The following SGCD variants were observed in gnomAD, a reference collection of about 807,000 sequenced individuals.
SGCD encodes the protein delta-sarcoglycan.
A neutral mutation model predicts 36.6 loss-of-function variants in SGCD; 18 were observed. The observed-to-expected ratio is 0.49, with a 90% CI of 0.34 to 0.73. The LOEUF (loss-of-function observed/expected upper bound fraction) is 0.73. SGCD is among the 30% of genes least tolerant of loss of function. SGCD has a pLI of 0.01. For synonymous variants in SGCD, 133 were observed against 130.6 expected (o/e 1.02, Z -0.12); for missense variants, 387 against 346.7 (o/e 1.12, Z -0.92).
intron 4 of SGCD, among the ~76,000 whole-genome samples, chr5:156,554,389 C>T (rs1758923949): frequency 1.3e-5 from 2 of 150,724 alleles, no homozygotes; most frequent in South Asian, 4.2e-4. Flanking sequence ...AAGAGGGGTA[C>T]CATGTATACA....
chr5:156,610,174 T>C (rs920021052), intron 6 of SGCD, among the ~76,000 whole-genome samples: 3 of 152,212 alleles, frequency 2.0e-5, no homozygotes, highest in African/African-American at 4.8e-5. Flanking sequence ...CTTTGTAGTT[T>C]TATCTACCTT....
At chr5:155,960,304 G>A (rs565070504) in intron 1 of SGCD, among the ~76,000 whole-genome samples, 1 of 152,158 alleles carries the variant, frequency 6.6e-6, no homozygotes, top group South Asian at 2.1e-4. Context: ...CCCAGGGGAG[G>A]CACTCAAAGG....
chr5:156,573,720 G>A (rs924616674), intron 4 of SGCD, among the ~76,000 whole-genome samples: 37 of 152,002 alleles, frequency 2.4e-4, no homozygotes, highest in African/African-American at 7.7e-4. Context: ...GAGATGGGGG[G>A]TCTCACTCTA....
chr5:156,352,093 G>A (rs964760089), intron 3 of SGCD, among the ~76,000 whole-genome samples: 1 of 152,162 alleles, frequency 6.6e-6, no homozygotes, highest in African/African-American at 2.4e-5. Context: ...ACTTTTGCTA[G>A]TGCATTCTAC....
the SGCD span, among the ~76,000 whole-genome samples, chr5:155,770,455 G>A: frequency 1.3e-5 from 2 of 152,132 alleles, no homozygotes; most frequent in African/African-American, 4.8e-5. Context: ...AAAATGCTTA[G>A]CTGTATAAAG....
chr5:156,416,362 G>T (rs1773033158), intron 3 of SGCD, among the ~76,000 whole-genome samples: 1 of 152,152 alleles, frequency 6.6e-6, no homozygotes, highest in Non-Finnish European at 1.5e-5. Context: ...TTGAGAACTT[G>T]GGGGAAAGGG....
chr5:155,822,942 T>G, the SGCD span, among the ~76,000 whole-genome samples: 1 of 152,132 alleles, frequency 6.6e-6, no homozygotes, highest in Non-Finnish European at 1.5e-5. Flanking sequence ...GGCCATTGGA[T>G]TAGGCAGAGT....
chr5:156,704,042 G>A (rs1754639783), intron 7 of SGCD: 2 of 152,062 alleles, frequency 1.3e-5, no homozygotes, highest in Admixed American at 1.3e-4. Flanking sequence ...AAAGGGTGGT[G>A]GAAGGTAACA....
chr5:156,286,924 C>A (rs1345530273), intron 3 of SGCD, among the ~76,000 whole-genome samples: 1 of 152,078 alleles, frequency 6.6e-6, no homozygotes, highest in African/African-American at 2.4e-5. Context: ...AGGATGATCT[C>A]TTTTTTATCC....
intron 1 of SGCD, among the ~76,000 whole-genome samples, chr5:156,081,264 C>T (rs1760944758): frequency 6.6e-6 from 1 of 152,190 alleles, no homozygotes. Context: ...GACGCACTCA[C>T]TATCATGAGG....
At chr5:155,909,092 T>C (rs1398915128) in intron 1 of SGCD, among the ~76,000 whole-genome samples, 1 of 151,548 alleles carries the variant, frequency 6.6e-6, no homozygotes, top group Non-Finnish European at 1.5e-5. Flanking sequence ...TGTTAGGCTC[T>C]GAGAGGGTGG....
rs200773652 is a variant in SGCD, at chr5:156,677,690, T to TA, written c.575+30164dup. 4.7e-4 allele frequency among the ~76,000 whole-genome samples: 69 copies of TA among 147,460 alleles called. No homozygotes were observed. The South Asian group carries it at 9.2e-3, about 20-fold the overall frequency. ...TACCCTAGAACTTAAAGTATATAGA[T>TA]AAAAAAAAAAGAGTCTGGTGGAGAA... On this transcript the variant is annotated intron_variant, in intron 7 of 8. Transcript: ENST00000337851.
the SGCD span, among the ~76,000 whole-genome samples, chr5:155,774,608 C>T: frequency 6.6e-6 from 1 of 152,070 alleles, no homozygotes; most frequent in Non-Finnish European, 1.5e-5. Context: ...TTCCATGGCT[C>T]ATAGCCCCTT....
rs982120041 is a variant in SGCD, at chr5:156,766,650, C to A, written c.*7260C>A. On this transcript the variant is annotated 3_prime_UTR_variant, in exon 9 of 9. Coordinates refer to ENST00000337851, the MANE Select transcript of SGCD (RefSeq NM_000337.6). Reference sequence around the variant, plus strand: ...GAGAAAATGAGTGCATCTGAAGTTCCTTACAGCTTGGTTTCTTTGGAATGC... The same window carrying A: ...GAGAAAATGAGTGCATCTGAAGTTCATTACAGCTTGGTTTCTTTGGAATGC... 1 of 150,168 alleles carries A rather than the reference C, an allele frequency of 6.7e-6. No individual in the cohort carries two copies. The highest frequency in any genetic ancestry group is 2.5e-5 in the African/African-American group (1 of 40,624). 9.3% of individuals were successfully genotyped at this position (150,168 alleles called of 1,614,324 possible). A position where few individuals can be genotyped will look rare whatever the true frequency, so the allele number is the denominator to read the frequency against.
At chr5:155,868,110 G>A (rs1254447082), upstream of SGCD, among the ~76,000 whole-genome samples, 2 of 151,740 alleles carry the variant, frequency 1.3e-5, no homozygotes, top group African/African-American at 4.8e-5. Flanking sequence ...GTAGTGCAGT[G>A]GTGCGATCAT....
intron 3 of SGCD, among the ~76,000 whole-genome samples, chr5:156,365,117 A>G (rs775475946): frequency 4.5e-4 from 68 of 152,220 alleles, no homozygotes; most frequent in Non-Finnish European, 8.2e-4. Context: ...TTGAATAGAC[A>G]TTTCTCTAAG....
chr5:156,423,394 T>C (rs1404868746), intron 3 of SGCD, among the ~76,000 whole-genome samples: 1 of 91,670 alleles, frequency 1.1e-5, no homozygotes, highest in Non-Finnish European at 2.0e-5. Context: ...TAATATATTA[T>C]ATTTTATTAT....
the SGCD span, among the ~76,000 whole-genome samples, chr5:155,778,581 T>G: frequency 9.2e-5 from 14 of 151,928 alleles, no homozygotes; most frequent in Non-Finnish European, 2.9e-5. Flanking sequence ...CGCATCTAAT[T>G]TTATTACCTC....
At chr5:156,342,156 C>G (rs562627485) in intron 2 of SGCD, among the ~76,000 whole-genome samples, 2 of 152,214 alleles carry the variant, frequency 1.3e-5, no homozygotes, top group African/African-American at 4.8e-5. Context: ...CTACCTATAC[C>G]TCCATCCTCT....
Sources: gnomAD v4.1 joint callset for allele counts (sites outside exome capture counted in the v4.1 genomes callset) on GRCh38, gnomAD v4.1.1 for gene constraint, MANE v1.5 for transcripts, NCBI Gene and HGNC (gene_info 2026-07-23, HGNC 2026-07-21) for gene names.